TPD52L2: variants seen among roughly 807,000 people sequenced by gnomAD.
TPD52L2 encodes the protein tumor protein D54.
In TPD52L2, 19 loss-of-function variants were observed where a neutral mutation model predicts 24.7. The observed-to-expected ratio is 0.77, with a 90% CI of 0.54 to 1.13. The LOEUF (loss-of-function observed/expected upper bound fraction) is 1.13. Among genes scored for constraint, TPD52L2 ranks in the 50% most tolerant of loss-of-function variants. TPD52L2 has a pLI of 0.00. For synonymous variants in TPD52L2, 104 were observed against 100.2 expected (o/e 1.04, Z -0.23); for missense variants, 236 against 250.4 (o/e 0.94, Z 0.39).
At chr20:63,889,386 C>G (rs577378398) in intron 6 of TPD52L2, 148 bp downstream of exon 6, 2 of 770,346 alleles carry the variant, frequency 2.6e-6, no homozygotes, top group East Asian at 5.4e-5. Context: ...ACACAGTTCT[C>G]TCCTGTGACG....
chr20:63,889,324 A>G (rs2053249105), intron 6 of TPD52L2, 86 bp downstream of exon 6: 1 of 1,146,056 alleles, frequency 8.7e-7, no homozygotes, highest in Non-Finnish European at 1.3e-6. Flanking sequence ...TAGTTATGGT[A>G]GACTCACATA....
chr20:63,885,889 C>T (rs1568959095), intron 5 of TPD52L2: 1 of 943,890 alleles, frequency 1.1e-6, no homozygotes, highest in East Asian at 2.4e-5. Context: ...GAGGGTCTTC[C>T]CCTGCTGGGC....
chr20:63,881,238 G>A (rs1038651110), intron 4 of TPD52L2, among the ~76,000 whole-genome samples: 1 of 152,162 alleles, frequency 6.6e-6, no homozygotes, highest in Non-Finnish European at 1.5e-5. Flanking sequence ...GTGGGTGCCT[G>A]TAATCCCAGC....
chr20:63,878,224 G>C (rs1171643901), intron 4 of TPD52L2, among the ~76,000 whole-genome samples: 2 of 152,276 alleles, frequency 1.3e-5, no homozygotes, highest in African/African-American at 4.8e-5. Flanking sequence ...ACGGGAAGGA[G>C]AACGTGGCCG....
chr20:63,876,701 T>A (rs1237807822), intron 4 of TPD52L2: 1 of 448,862 alleles, frequency 2.2e-6, no homozygotes, highest in East Asian at 7.0e-5. Context: ...GAGCTTGTCT[T>A]GAAGGTCCTG....
rs780167013 is a variant in TPD52L2, at chr20:63,877,614, A to C, written c.374+1739A>C. Among the ~76,000 whole-genome samples the C allele has an allele frequency of 1.3e-5, 2 of 152,276 alleles. No individual in the cohort carries two copies. Among genetic ancestry groups the C allele is most frequent in the African/African-American group, 4.8e-5 (2 of 41,478 alleles). On this transcript the variant is annotated intron_variant, in intron 4 of 6. Coordinates refer to ENST00000346249, the MANE Select transcript of TPD52L2 (RefSeq NM_003288.4). This position sits in a 1 kb window ranked among gnomAD's most constrained non-coding sequence, Gnocchi z 4.1. The stretch of plus-strand genomic sequence containing the variant: ...CACAGTGCAGACTCAGTCTGAAAAT[A>C]GTCTTAGGAGACTTCAGTGCTGTTT...
At chr20:63,866,396 C>T (rs2052235784) in intron 1 of TPD52L2, among the ~76,000 whole-genome samples, 1 of 152,036 alleles carries the variant, frequency 6.6e-6, no homozygotes, top group African/African-American at 2.4e-5. Context: ...AGCCACTGTG[C>T]CCGGCTACAT....
Position 63,887,214 on chromosome 20 carries a change from G to C in TPD52L2, c.477-1976G>C, listed in dbSNP as rs192040677. The C allele has an allele frequency of 2.2e-4, 87 of 403,524 alleles. 1 individual carries two copies. Among genetic ancestry groups the C allele is most frequent in the Admixed American group, 1.8e-3 (45 of 24,914 alleles). 25.0% of individuals were successfully genotyped at this position (403,524 alleles called of 1,614,324 possible). On this transcript the variant is annotated intron_variant, in intron 5 of 6. Coordinates refer to ENST00000346249, the MANE Select transcript of TPD52L2 (RefSeq NM_003288.4). ...TCTGTGATTTCTTGTGTTTTTACTT[G>C]ACTTGGTGGTTTCTCTTTTGCCAAA...
Position 63,889,839 on chromosome 20 carries a change from C to T in TPD52L2, c.526-11C>T. The T allele has an allele frequency of 6.2e-7, 1 of 1,611,686 alleles. No individual in the cohort carries two copies. The highest frequency in any genetic ancestry group is 1.1e-5 in the South Asian group (1 of 90,988). On this transcript the variant is annotated splice_polypyrimidine_tract_variant and intron_variant, in intron 6 of 6. Transcript: ENST00000346249. The stretch of plus-strand genomic sequence containing the variant: ...TCAGGTTTTTCTGTCTTCATCTTTT[C>T]TCTCCTGTAGTCTAAGGTTGTGGGT...
At chr20:63,872,295 C>T (rs764448574) in intron 2 of TPD52L2, among the ~76,000 whole-genome samples, 11 of 152,254 alleles carry the variant, frequency 7.2e-5, no homozygotes, top group Admixed American at 2.0e-4. Context: ...TGAGTGCAGA[C>T]GGTGCCCGGC....
At position 63,890,121 on chromosome 20, in the gene TPD52L2, A is replaced by G. The variant is rs984513207; in HGVS notation, c.*176A>G. 21 of 1,385,258 alleles carry G rather than the reference A, an allele frequency of 1.5e-5. No homozygotes were observed. The highest frequency in any genetic ancestry group is 2.0e-5 in the Non-Finnish European group (21 of 1,031,758). 85.8% of individuals were successfully genotyped at this position (1,385,258 alleles called of 1,614,324 possible). Reference sequence around the variant, plus strand: ...GCGTTTGCATGAATTTGAAGAACACAGGCTTGTACACAGATGTTTTACACT... The same window carrying G: ...GCGTTTGCATGAATTTGAAGAACACGGGCTTGTACACAGATGTTTTACACT... On this transcript the variant is annotated 3_prime_UTR_variant, in exon 7 of 7. Coordinates refer to ENST00000346249, the MANE Select transcript of TPD52L2 (RefSeq NM_003288.4).
chr20:63,866,749 G>A (rs916518391), intron 1 of TPD52L2, among the ~76,000 whole-genome samples: 1 of 146,034 alleles, frequency 6.8e-6, no homozygotes, highest in Non-Finnish European at 1.5e-5. Flanking sequence ...GTGAGCCACC[G>A]CGCCTGGCCT....
chr20:63,878,001 AGACG>A (rs1408680124), intron 4 of TPD52L2, among the ~76,000 whole-genome samples: 1 of 152,280 alleles, frequency 6.6e-6, no homozygotes, highest in East Asian at 1.9e-4. Context: ...GGGACGGCCC[AGACG>A]GAAGGGATGC....
At chr20:63,866,023 A>T (rs564463678) in intron 1 of TPD52L2, among the ~76,000 whole-genome samples, 1 of 152,314 alleles carries the variant, frequency 6.6e-6, no homozygotes, top group Admixed American at 6.5e-5. Context: ...AGCCCAGGAG[A>T]TTAAAATCTT....
chr20:63,875,152 AATATAT>A (rs565813974), intron 3 of TPD52L2, among the ~76,000 whole-genome samples: 288 of 141,750 alleles, frequency 2.0e-3, no homozygotes, highest in African/African-American at 7.2e-3. Context: ...AAAAAAAAAA[AATATAT>A]ATATATATAT....
chr20:63,887,366 G>A (rs1316082747), intron 5 of TPD52L2: 11 of 712,480 alleles, frequency 1.5e-5, no homozygotes, highest in Middle Eastern at 6.5e-4. Flanking sequence ...GGCAACTTGG[G>A]GTGCCCCCCA....
rs897482319 is a variant in TPD52L2 at position 63,877,720 on chromosome 20, G to A, written c.374+1845G>A. On this transcript the variant is annotated intron_variant, in intron 4 of 6. Transcript: ENST00000346249. The surrounding 1 kb of genome is among the most constrained non-coding windows in gnomAD (Gnocchi z 4.1). ...TAGAGAGCTTATTACAACACTCAGC[G>A]TCCCGACCCCTCTGGAGAAACCTGT... is the stretch of plus-strand genomic sequence containing the variant. 2.0e-5 allele frequency among the ~76,000 whole-genome samples: 3 copies of A among 152,380 alleles called. No individual in the cohort carries two copies. Among genetic ancestry groups the A allele is most frequent in the Non-Finnish European group, 4.4e-5 (3 of 68,042 alleles).
Position 63,871,797 on chromosome 20 carries a change from C to G in TPD52L2, c.166-1871C>G, listed in dbSNP as rs950652650. On this transcript the variant is annotated intron_variant, in intron 2 of 6. Transcript: ENST00000346249. ...TACAGGTGCATGCCACCACGCCTGGCTAATTTTTGTATTTTTGGTAGAGAC... is the reference window on the plus strand; with the variant it reads ...TACAGGTGCATGCCACCACGCCTGGGTAATTTTTGTATTTTTGGTAGAGAC... Among the ~76,000 whole-genome samples the G allele has an allele frequency of 7.2e-5, 11 of 151,994 alleles. No homozygotes were observed. The East Asian group carries it at 1.3e-3, about 19-fold the overall frequency.
chr20:63,875,027 G>T (rs2052614327), intron 3 of TPD52L2, among the ~76,000 whole-genome samples: 2 of 151,806 alleles, frequency 1.3e-5, no homozygotes, highest in South Asian at 4.2e-4. Context: ...CTGTGATCTC[G>T]GCTACTAGGG....
Sources: allele counts gnomAD v4.1 joint callset (sites outside exome capture counted in the v4.1 genomes callset), GRCh38; gene constraint gnomAD v4.1.1; non-coding constraint Gnocchi (gnomAD v3.1); transcripts MANE v1.5; gene names NCBI Gene and HGNC (gene_info 2026-07-23, HGNC 2026-07-21).